OR8S1: variants seen among roughly 807,000 people sequenced by gnomAD.
OR8S1 encodes olfactory receptor 8S1.
For missense variants in OR8S1, 362 were observed against 372.1 expected (o/e 0.97, Z 0.22); for synonymous variants, 150 against 151.4 (o/e 0.99, Z 0.07).
exon 1 of OR8S1, chr12:48,526,475 A>G (rs1231258218): frequency 1.9e-6 from 3 of 1,611,764 alleles, no homozygotes; most frequent in African/African-American, 2.7e-5. Flanking sequence ...AGTCACTCCC[A>G]TGCTGAATTC....
At chr12:48,526,121 G>A in exon 1 of OR8S1, 2 of 1,614,186 alleles carry the variant, frequency 1.2e-6, no homozygotes, top group Non-Finnish European at 8.5e-7. Flanking sequence ...CCTCCTAGCT[G>A]TAAACATGGT....
chr12:48,526,304 A>T lies in OR8S1; in HGVS notation c.673A>T (p.Ile225Phe), dbSNP rs200955041. ...ATCCTACACCCGTATAATCTCTACC[A>T]TCCTAAGCATCAGCTCTACCTCGGG... Residue 225 changes from isoleucine (I) to phenylalanine (F), a missense_variant, in exon 1 of 1, where the codon ATC (isoleucine) becomes TTC (phenylalanine). Physicochemically the swap from Ile to Phe is conservative, Grantham distance 21 (BLOSUM62 0). Coordinates refer to ENST00000641651, the Ensembl canonical transcript of OR8S1. 256 of 1,613,870 alleles carry T rather than the reference A, an allele frequency of 1.6e-4. No homozygotes were observed. The highest frequency in any genetic ancestry group is 2.0e-4 in the Non-Finnish European group (238 of 1,179,954).
At chr12:48,526,417 A>G in exon 1 of OR8S1, 3 of 1,614,082 alleles carry the variant, frequency 1.9e-6, no homozygotes, top group Non-Finnish European at 2.5e-6. Flanking sequence ...ATCTCATGCC[A>G]AACTCAGGTT....
chr12:48,526,246 AC>A lies in OR8S1; in HGVS notation c.616del (p.His206MetfsTer16), dbSNP rs773970487. The A allele has an allele frequency of 1.2e-6, 2 of 1,613,808 alleles. No individual in the cohort carries two copies. The highest frequency in any genetic ancestry group is 4.5e-5 in the East Asian group (2 of 44,654). On this transcript the variant is annotated frameshift_variant, in exon 1 of 1. Transcript: ENST00000641651. LOFTEE classifies it low-confidence loss of function (END_TRUNC). ...TCGCCTTGCTCTGCTCCACTCTCCT[AC>A]ATGGGCTGGGAAACTTCCTTTTGGT...
chr12:48,526,166 T>C (rs1938217952), exon 1 of OR8S1: 1 of 1,614,150 alleles, frequency 6.2e-7, no homozygotes, highest in Admixed American at 1.7e-5. Flanking sequence ...CCACTACAGC[T>C]ATGAGATGCC....
At chr12:48,525,901 A>G in exon 1 of OR8S1, 1 of 1,614,180 alleles carries the variant, frequency 6.2e-7, no homozygotes, top group Non-Finnish European at 8.5e-7. Flanking sequence ...CACAGAGGAA[A>G]ACCATTTCAG....
exon 1 of OR8S1, chr12:48,526,290 G>A (rs61941963): frequency 0.17 from 277,989 of 1,613,834 alleles, 27,247 homozygotes; most frequent in Non-Finnish European, 0.2. Context: ...TCCTACACCC[G>A]TATAATCTCT....
At chr12:48,525,957 G>A (rs1402505526) in exon 1 of OR8S1, 3 of 1,614,120 alleles carry the variant, frequency 1.9e-6, no homozygotes, top group South Asian at 2.2e-5. Flanking sequence ...GTCACTGCAG[G>A]GACTGAAGCC....
rs779199948 is a variant in OR8S1 at position 48,525,799 on chromosome 12, T to A, written c.168T>A (p.His56Gln). 1.9e-6 allele frequency: 3 copies of A among 1,614,148 alleles called. No individual in the cohort carries two copies. In the East Asian group the frequency reaches 6.7e-5, roughly 36 times the overall value. Residue 56 changes from histidine (H) to glutamine (Q), a missense_variant, in exon 1 of 1, where the codon CAT becomes CAA. Physicochemically the swap from His to Gln is conservative, Grantham distance 24 (BLOSUM62 0). Coordinates refer to ENST00000641651, the Ensembl canonical transcript of OR8S1. ...TGATCAGGGCTGATTCTTGTCTCCA[T>A]AAGCCCATGTATTTCTTCCTGAGTC...
At chr12:48,525,828 T>C (rs775023579) in exon 1 of OR8S1, 3 of 1,613,978 alleles carry the variant, frequency 1.9e-6, no homozygotes, top group Non-Finnish European at 1.7e-6. Flanking sequence ...CTGAGTCACC[T>C]CTCTTTTGTT....
chr12:48,525,756 A>G, exon 1 of OR8S1: 3 of 1,613,988 alleles, frequency 1.9e-6, no homozygotes, highest in Non-Finnish European at 2.5e-6. Context: ...ATAATGGAAA[A>G]CCTGATGCTG....
exon 1 of OR8S1, chr12:48,526,130 G>A (rs771687339): frequency 6.2e-7 from 1 of 1,614,144 alleles, no homozygotes; most frequent in Non-Finnish European, 8.5e-7. Flanking sequence ...TGTAAACATG[G>A]TCTTTTGTGA....
exon 1 of OR8S1, chr12:48,525,831 C>G: frequency 2.5e-6 from 4 of 1,614,138 alleles, no homozygotes; most frequent in Non-Finnish European, 3.4e-6. Context: ...AGTCACCTCT[C>G]TTTTGTTGAT....
exon 1 of OR8S1, chr12:48,526,125 A>G (rs1272485016): frequency 1.9e-6 from 3 of 1,614,158 alleles, no homozygotes; most frequent in African/African-American, 1.3e-5. Context: ...CTAGCTGTAA[A>G]CATGGTCTTT....
chr12:48,525,745 C>G (rs757094948), exon 1 of OR8S1: 1 of 1,614,170 alleles, frequency 6.2e-7, no homozygotes, highest in East Asian at 2.2e-5. Context: ...ACCTCCTGAC[C>G]ATAATGGAAA....
At chr12:48,526,496 A>G in exon 1 of OR8S1, 2 of 1,607,436 alleles carry the variant, frequency 1.2e-6, no homozygotes, top group Non-Finnish European at 8.5e-7. Flanking sequence ...CCTCATCTAT[A>G]GCCTGAAAAA....
exon 1 of OR8S1, chr12:48,525,652 C>A: frequency 6.2e-7 from 1 of 1,612,842 alleles, no homozygotes; most frequent in Non-Finnish European, 8.5e-7. Context: ...GGAATCACAG[C>A]ACCATCACCG....
exon 1 of OR8S1, chr12:48,526,136 T>A (rs1028972950): frequency 6.2e-7 from 1 of 1,614,222 alleles, no homozygotes; most frequent in Non-Finnish European, 8.5e-7. Context: ...CATGGTCTTT[T>A]GTGAAGCCAA....
At chr12:48,525,910 A>C in exon 1 of OR8S1, 2 of 1,614,214 alleles carry the variant, frequency 1.2e-6, no homozygotes, top group East Asian at 4.5e-5. Context: ...AAACCATTTC[A>C]GTAGAGGGCT....
Sources: gnomAD v4.1 joint callset for allele counts on GRCh38, gnomAD v4.1.1 for gene constraint, MANE v1.5 for transcripts, NCBI Gene and HGNC (gene_info 2026-07-23, HGNC 2026-07-21) for gene names.